DNAH5: variants seen among roughly 807,000 people sequenced by gnomAD.
DNAH5 encodes axonemal beta dynein heavy chain 5.
DNAH5 carries 372 observed loss-of-function variants against 518.2 expected under a neutral mutation model. The observed-to-expected ratio is 0.72, with a 90% CI of 0.66 to 0.78. DNAH5 has a LOEUF of 0.78. DNAH5 is among the 30% of genes least tolerant of loss of function. The probability of loss-of-function intolerance (pLI) is 0.00; values close to 1 mark genes in which losing one functional copy is unlikely to be tolerated. For missense variants in DNAH5, 5,523 were observed against 5,687.0 expected, an observed-to-expected ratio of 0.97 and a Z score of 0.93; for synonymous variants, 2,039 against 2,025.9, an observed-to-expected ratio of 1.01 and a Z score of -0.17.
At chr5:14,000,399 G>C (rs1027975027) in intron 1 of DNAH5, among the ~76,000 whole-genome samples, 2 of 152,234 alleles carry the variant, frequency 1.3e-5, no homozygotes, top group Admixed American at 6.5e-5. Flanking sequence ...CAAACTGTGA[G>C]AGAGTAAGTT....
chr5:13,871,761 A>G lies in DNAH5; in HGVS notation c.3401T>C (p.Val1134Ala), dbSNP rs1216658993. ...STIINSTKKE[V>A]ITSMDCFKRY... ...TTTGAAGCAATCCATGGATGTAATA[A>G]CTTCCTGAATGCAAATAACAGATTT... The change falls in exon 23 of 79, where the codon GTT becomes GCT. Residue 1134 changes from valine to alanine, a missense_variant. By Grantham distance (64) the Val-to-Ala change is moderately conservative. Coordinates refer to ENST00000265104, the MANE Select transcript of DNAH5 (RefSeq NM_001369.3). 3 of 1,613,280 alleles carry G rather than the reference A, an allele frequency of 1.9e-6. No homozygotes were observed. Among genetic ancestry groups the G allele is most frequent in the Non-Finnish European group, 2.5e-6 (3 of 1,179,434 alleles).
intron 44 of DNAH5, among the ~76,000 whole-genome samples, chr5:13,810,771 AAC>A (rs1206530418): frequency 7.4e-5 from 11 of 149,622 alleles, no homozygotes; most frequent in Admixed American, 1.3e-4. Context: ...AAAACAAACA[AAC>A]AAAAAAACAG....
At chr5:13,758,814 T>A (rs766284260) in intron 61 of DNAH5, 32 bp downstream of exon 61, 1 of 1,613,800 alleles carries the variant, frequency 6.2e-7, no homozygotes, top group South Asian at 1.1e-5. Context: ...TGTAGATATG[T>A]GACAGTCCCT....
Position 13,811,707 on chromosome 5 carries a change from CACCTCCATCTTGT to C in DNAH5, c.7334_7346del (p.Tyr2445CysfsTer17). The C allele has an allele frequency of 6.2e-7, 1 of 1,614,172 alleles. No individual in the cohort carries two copies. Among genetic ancestry groups the C allele is most frequent in the Non-Finnish European group, 8.5e-7 (1 of 1,180,028 alleles). On this transcript the variant is annotated frameshift_variant, in exon 44 of 79. Coordinates refer to ENST00000265104, the MANE Select transcript of DNAH5 (RefSeq NM_001369.3). LOFTEE classifies it high-confidence loss of function. The stretch of plus-strand genomic sequence containing the variant: ...TCTGTGTGATGACAAAGGCCTCCAG[CACCTCCATCTTGT>C]ATTCTAAGTTCTGGATACAGAAGCG...
rs144958262 is a variant in DNAH5, at chr5:13,864,551, G to A, written c.4442C>T (p.Pro1481Leu). The A allele has an allele frequency of 6.4e-5, 103 of 1,614,046 alleles. No homozygotes were observed. In the African/African-American group the frequency reaches 1.1e-3, roughly 17 times the overall value. ...TTTACTGGCCATGTATTCCAGCAGC[G>A]GGCAACACTCGCTGAAATCATCAAT... is the stretch of plus-strand genomic sequence containing the variant. Reference protein sequence around the residue: ...KIIDDFSECCPLLEYMASKAM... With the variant: ...KIIDDFSECCLLLEYMASKAM... The change falls in exon 28 of 79, where the codon CCG (proline) becomes CTG (leucine). Residue 1481 changes from proline (P) to leucine (L), a missense_variant. Physicochemically the swap from Pro to Leu is moderately conservative, Grantham distance 98. Coordinates refer to ENST00000265104, the MANE Select transcript of DNAH5 (RefSeq NM_001369.3).
chr5:14,008,860 G>A (rs1383370045), intron 1 of DNAH5, among the ~76,000 whole-genome samples: 1 of 152,152 alleles, frequency 6.6e-6, no homozygotes, highest in Non-Finnish European at 1.5e-5. Flanking sequence ...ATTTTCTCTA[G>A]AGAGAGGTAA....
rs753284641 is a variant in DNAH5 at position 13,864,554 on chromosome 5, C to T, written c.4439G>A (p.Cys1480Tyr). The change falls in exon 28 of 79, where the codon TGC (cysteine) becomes TAC (tyrosine). Residue 1480 changes from cysteine to tyrosine, a missense_variant. Cys to Tyr is a radical substitution (Grantham distance 194). Coordinates refer to ENST00000265104, the MANE Select transcript of DNAH5 (RefSeq NM_001369.3). Reference protein sequence around the residue: ...KKIIDDFSECCPLLEYMASKA... With the variant: ...KKIIDDFSECYPLLEYMASKA... ...ACTGGCCATGTATTCCAGCAGCGGGCAACACTCGCTGAAATCATCAATGAT... is the reference window on the plus strand; with the variant it reads ...ACTGGCCATGTATTCCAGCAGCGGGTAACACTCGCTGAAATCATCAATGAT... The T allele has an allele frequency of 1.3e-5, 21 of 1,614,036 alleles. No individual in the cohort carries two copies. Among genetic ancestry groups the T allele is most frequent in the Non-Finnish European group, 1.7e-5 (20 of 1,180,004 alleles).
At chr5:13,713,646 G>C (rs941567615) in intron 75 of DNAH5, among the ~76,000 whole-genome samples, 1 of 149,174 alleles carries the variant, frequency 6.7e-6, no homozygotes, top group South Asian at 2.2e-4. Context: ...CTATGAGGAC[G>C]CAAAGGCATA....
At chr5:13,778,596 A>AAGAAAGAAAAAGAAAGAAAG (rs768853052) in intron 53 of DNAH5, among the ~76,000 whole-genome samples, 10 of 102,238 alleles carry the variant, frequency 9.8e-5, no homozygotes, top group African/African-American at 3.7e-4. Flanking sequence ...GAAAGAAAGA[A>AAGAAAGAAAAAGAAAGAAAG]AGAGAGAGAG....
chr5:13,865,271 G>A (rs7720307), intron 27 of DNAH5, among the ~76,000 whole-genome samples: 63,147 of 151,902 alleles, frequency 0.42, 13,327 homozygotes, highest in South Asian at 0.47. Context: ...GGGATTACAG[G>A]CATGAGCTAC....
chr5:13,923,585 G>T, intron 3 of DNAH5, 145 bp from the exon 4 acceptor site: 1 of 854,850 alleles, frequency 1.2e-6, no homozygotes, highest in Non-Finnish European at 1.9e-6. Flanking sequence ...ACAATCTCTA[G>T]CATGAGCCGT....
chr5:13,814,692 G>A lies in DNAH5; in HGVS notation c.7143C>T (p.Asn2381=), dbSNP rs148062042. The change falls in exon 43 of 79, where the codon AAC becomes AAT. Residue 2381 remains asparagine (N), a synonymous_variant. Coordinates refer to ENST00000265104, the MANE Select transcript of DNAH5 (RefSeq NM_001369.3). ...CGGTGGCAGGAGAAGCATTGTCAAT[G>A]TTATGAGGCTCGAAAATGATCTTGC... ...PNCKIIFEPH[N]IDNASPATVS... 6.2e-7 allele frequency: 1 copy of A among 1,614,102 alleles called. No homozygotes were observed. Among genetic ancestry groups the A allele is most frequent in the Non-Finnish European group, 8.5e-7 (1 of 1,179,968 alleles).
rs777404476 is a variant in DNAH5, at chr5:13,753,586, G to A, written c.10556-37C>T. On this transcript the variant is annotated intron_variant, in intron 62 of 78. Transcript: ENST00000265104. ...AACAAACACCATTGAAATACTTTAC[G>A]TTCATCCGTGTGATTGTACAGCATA... The A allele has an allele frequency of 6.8e-5, 104 of 1,529,082 alleles. No individual in the cohort carries two copies. In the Middle Eastern group the frequency reaches 6.8e-4, roughly 10 times the overall value. 94.7% of individuals were successfully genotyped at this position (1,529,082 alleles called of 1,614,324 possible). A position where few individuals can be genotyped will look rare whatever the true frequency, so the allele number is the denominator to read the frequency against.
chr5:13,752,123 G>C lies in DNAH5; in HGVS notation c.11028+11C>G. On this transcript the variant is annotated intron_variant, in intron 64 of 78. Transcript: ENST00000265104. ...TTGTTCTGCACATTGTCATCCATAG[G>C]TTTAACCTACCTTAAAGGTAGACCC... The C allele has an allele frequency of 6.2e-7, 1 of 1,613,544 alleles. No homozygotes were observed. The highest frequency in any genetic ancestry group is 8.5e-7 in the Non-Finnish European group (1 of 1,179,624).
chr5:13,810,314 GCTCTAGGGTTT>G, intron 44 of DNAH5, 54 bp from the exon 45 acceptor site: 1 of 1,475,376 alleles, frequency 6.8e-7, no homozygotes, highest in African/African-American at 1.4e-5. Flanking sequence ...CCCAAACGTT[GCTCTAGGGTTT>G]CAATGGGAAC....
rs1266775008 is a variant in DNAH5, at chr5:14,003,247, T to G, written c.12+8401A>C. 2.0e-5 allele frequency among the ~76,000 whole-genome samples: 3 copies of G among 152,372 alleles called. No homozygotes were observed. The East Asian group carries it at 5.8e-4, about 29-fold the overall frequency. On this transcript the variant is annotated intron_variant, in intron 1 of 78. Coordinates refer to the DNAH5 transcript ENST00000681290. Reference sequence around the variant, plus strand: ...AACATCAGAGTTACATATAAAATTCTTAAAAATGTTTCCACTTGATAATAA... The same window carrying G: ...AACATCAGAGTTACATATAAAATTCGTAAAAATGTTTCCACTTGATAATAA...
chr5:13,841,631 A>G (rs1301488153), intron 33 of DNAH5, 61 bp downstream of exon 33: 1 of 1,311,318 alleles, frequency 7.6e-7, no homozygotes, highest in Non-Finnish European at 1.1e-6. Context: ...TACAATAGGT[A>G]ATGTCTGAGA....
chr5:13,811,027 T>G (rs189321021), intron 44 of DNAH5, among the ~76,000 whole-genome samples: 2 of 152,072 alleles, frequency 1.3e-5, no homozygotes, highest in East Asian at 3.9e-4. Context: ...GAGCTAAAAA[T>G]TAAAACAATT....
At chr5:13,951,208 GTTTTTTTTTTTTTTT>G (rs869082404) in intron 1 of DNAH5, among the ~76,000 whole-genome samples, 9 of 66,600 alleles carry the variant, frequency 1.4e-4, no homozygotes, top group South Asian at 8.2e-4. Flanking sequence ...TGTTTTTTTC[GTTTTTTTTTTTTTTT>G]TTTTTTTTTT....
Sources: allele counts gnomAD v4.1 joint callset (sites outside exome capture counted in the v4.1 genomes callset), GRCh38; gene constraint gnomAD v4.1.1; transcripts MANE v1.5; gene names NCBI Gene and HGNC (gene_info 2026-07-23, HGNC 2026-07-21).